The following SLC25A21 variants were observed in gnomAD, a reference collection of about 807,000 sequenced individuals.
The protein encoded by SLC25A21 is mitochondrial 2-oxodicarboxylate carrier.
Under a neutral mutation model 43.8 loss-of-function variants are expected in SLC25A21, and 47 were observed. The observed-to-expected ratio is 1.07, with a 90% CI of 0.85 to 1.37. The LOEUF (loss-of-function observed/expected upper bound fraction) is 1.37. SLC25A21 is among the 40% of genes most tolerant of loss of function. SLC25A21 has a pLI of 0.00. For synonymous variants in SLC25A21, 131 were observed against 121.3 expected (o/e 1.08, Z -0.52); for missense variants, 352 against 350.2 (o/e 1.00, Z -0.04).
chr14:37,151,116 TTTCA>T (rs1444672660), intron 1 of SLC25A21, among the ~76,000 whole-genome samples: 1 of 152,208 alleles, frequency 6.6e-6, no homozygotes, highest in African/African-American at 2.4e-5. Context: ...TTCTATTGAA[TTTCA>T]TTCTTCTTTC....
intron 5 of SLC25A21, among the ~76,000 whole-genome samples, chr14:36,728,453 TA>T: frequency 6.6e-6 from 1 of 152,132 alleles, no homozygotes; most frequent in Non-Finnish European, 1.5e-5. Context: ...AGAATGACAT[TA>T]AGGGAAGATG....
In SLC25A21 at chr14:36,871,496, C is replaced by T. The variant is rs535974150; in HGVS notation, c.119+3460G>A. Among the ~76,000 whole-genome samples the T allele has an allele frequency of 2.6e-5, 4 of 152,314 alleles. No homozygotes were observed. The East Asian group carries it at 7.7e-4, about 29-fold the overall frequency. On this transcript the variant is annotated intron_variant, in intron 2 of 9. Coordinates refer to ENST00000331299, the MANE Select transcript of SLC25A21 (RefSeq NM_030631.4). The stretch of plus-strand genomic sequence containing the variant: ...GACATGAAATCCTTGTTTTTGTAAT[C>T]TGCTGAGATTTAAAGTTTGTTGATG...
intron 1 of SLC25A21, among the ~76,000 whole-genome samples, chr14:36,926,185 C>A (rs1274892570): frequency 2.0e-5 from 3 of 151,990 alleles, no homozygotes; most frequent in African/African-American, 4.8e-5. Context: ...AGAATTAAAT[C>A]AAAAATCAAT....
chr14:36,824,693 T>C (rs2138467642), intron 2 of SLC25A21, among the ~76,000 whole-genome samples: 1 of 151,628 alleles, frequency 6.6e-6, no homozygotes, highest in Non-Finnish European at 1.5e-5. Context: ...CATCTCTAGT[T>C]CAGTGAGTGA....
In SLC25A21 at chr14:36,913,749, T is replaced by C. The variant is rs112315430; in HGVS notation, c.71-38745A>G. ...TTTAATTGTCAGAGTAAGTTAATCA[T>C]AGCAAATATTAAGTATTAATTATCT... On this transcript the variant is annotated intron_variant, in intron 1 of 9. Coordinates refer to ENST00000331299, the MANE Select transcript of SLC25A21 (RefSeq NM_030631.4). Among the ~76,000 whole-genome samples, 288 of 152,346 alleles carry C rather than the reference T, an allele frequency of 1.9e-3. 2 individuals carry two copies. Among genetic ancestry groups the C allele is most frequent in the African/African-American group, 6.4e-3 (266 of 41,586 alleles).
chr14:36,716,820 GGGTACA>G (rs1468255638), intron 6 of SLC25A21, among the ~76,000 whole-genome samples: 1 of 152,208 alleles, frequency 6.6e-6, no homozygotes, highest in Non-Finnish European at 1.5e-5. Flanking sequence ...TATGGCCAGT[GGGTACA>G]GGCTTGGGTG....
intron 1 of SLC25A21, among the ~76,000 whole-genome samples, chr14:37,113,104 G>C (rs1450465377): frequency 2.0e-5 from 3 of 152,106 alleles, no homozygotes; most frequent in Non-Finnish European, 4.4e-5. Context: ...GATTCTGAGA[G>C]TTTCCATAGA....
intron 3 of SLC25A21, among the ~76,000 whole-genome samples, chr14:36,762,997 C>A: frequency 6.6e-6 from 1 of 152,180 alleles, no homozygotes; most frequent in East Asian, 1.9e-4. Flanking sequence ...GAGCTTACAA[C>A]TACCATAAGA....
chr14:36,885,719 A>G lies in SLC25A21; in HGVS notation c.71-10715T>C, dbSNP rs544754810. Among the ~76,000 whole-genome samples, 6 of 152,350 alleles carry G rather than the reference A, an allele frequency of 3.9e-5. No homozygotes were observed. In the South Asian group the frequency reaches 1.2e-3, roughly 32 times the overall value. ...AAAACAGAGGAATTATGTGTCTAAAATAATTTTGGTAAGTAGTATTTTATG... is the reference window on the plus strand; with the variant it reads ...AAAACAGAGGAATTATGTGTCTAAAGTAATTTTGGTAAGTAGTATTTTATG... On this transcript the variant is annotated intron_variant, in intron 1 of 9. Coordinates refer to ENST00000331299, the MANE Select transcript of SLC25A21 (RefSeq NM_030631.4).
intron 1 of SLC25A21, among the ~76,000 whole-genome samples, chr14:36,998,928 C>A (rs1960429575): frequency 6.6e-6 from 1 of 152,098 alleles, no homozygotes; most frequent in African/African-American, 2.4e-5. Flanking sequence ...TATAGAGCAA[C>A]AGGAATTCTC....
intron 7 of SLC25A21, among the ~76,000 whole-genome samples, chr14:36,709,736 T>C (rs545527840): frequency 6.6e-6 from 1 of 152,172 alleles, no homozygotes; most frequent in South Asian, 2.1e-4. Flanking sequence ...TACTAGAATA[T>C]AGGGGATAGC....
intron 7 of SLC25A21, among the ~76,000 whole-genome samples, chr14:36,686,838 C>A (rs896750972): frequency 6.6e-6 from 1 of 152,162 alleles, no homozygotes; most frequent in South Asian, 2.1e-4. Flanking sequence ...GGAAGGTGAA[C>A]AAAGAGACTC....
chr14:36,959,426 G>T (rs76645936), intron 1 of SLC25A21, among the ~76,000 whole-genome samples: 1 of 152,160 alleles, frequency 6.6e-6, no homozygotes, highest in Admixed American at 6.5e-5. Context: ...TGCAGGTGGA[G>T]GAGGTGCTGC....
intron 2 of SLC25A21, among the ~76,000 whole-genome samples, chr14:36,831,807 T>A: frequency 6.6e-6 from 1 of 152,298 alleles, no homozygotes; most frequent in South Asian, 2.1e-4. Flanking sequence ...TGCCTACAAA[T>A]CTAGCAAACT....
intron 3 of SLC25A21, among the ~76,000 whole-genome samples, chr14:36,748,649 AAAC>A (rs1364245782): frequency 6.6e-6 from 1 of 152,226 alleles, no homozygotes. Context: ...AACACTTGAA[AAAC>A]AATGCAGAAG....
At chr14:36,725,534 C>T in intron 6 of SLC25A21, 36 bp downstream of exon 6, 1 of 832,670 alleles carries the variant, frequency 1.2e-6, no homozygotes. Context: ...TAAATTTTTA[C>T]ATGCCCCTAA....
At position 37,013,437 on chromosome 14, in the gene SLC25A21, A is replaced by T. The variant is rs78695004; in HGVS notation, c.71-138433T>A. 9.3e-3 allele frequency among the ~76,000 whole-genome samples: 1,422 copies of T among 152,312 alleles called. 22 individuals are homozygous for T. The highest frequency in any genetic ancestry group is 0.032 in the African/African-American group (1,318 of 41,564). On this transcript the variant is annotated intron_variant, in intron 1 of 9. Transcript: ENST00000331299. ...CTGTGAAGTACACCAGGATGCTCCAAGGGGGAAAACGCTTCATCAGTTTTC... is the reference window on the plus strand; with the variant it reads ...CTGTGAAGTACACCAGGATGCTCCATGGGGGAAAACGCTTCATCAGTTTTC...
At chr14:37,119,090 T>A (rs12101262) in intron 1 of SLC25A21, among the ~76,000 whole-genome samples, 18,575 of 152,112 alleles carry the variant, frequency 0.12, 2,853 homozygotes, top group African/African-American at 0.36. Flanking sequence ...ATGCATTGGC[T>A]TGCTAAAGGA....
At position 36,858,610 on chromosome 14, in the gene SLC25A21, G is replaced by C. The variant is rs187026167; in HGVS notation, c.119+16346C>G. Among the ~76,000 whole-genome samples the C allele has an allele frequency of 1.4e-4, 22 of 152,184 alleles. No individual in the cohort carries two copies. In the East Asian group the frequency reaches 4.1e-3, roughly 28 times the overall value. On this transcript the variant is annotated intron_variant, in intron 2 of 9. Transcript: ENST00000331299. ...ACCCCTGACCTCTCCCAGGTGTTCT[G>C]GCTCATTTCCTGAGAGTTATGTTTG...
Sources: allele counts gnomAD v4.1 joint callset (sites outside exome capture counted in the v4.1 genomes callset), GRCh38; gene constraint gnomAD v4.1.1; transcripts MANE v1.5; gene names NCBI Gene and HGNC (gene_info 2026-07-23, HGNC 2026-07-21).